DNMT1: variants seen among roughly 807,000 people sequenced by gnomAD.
DNMT1 encodes the protein DNA (cytosine-5)-methyltransferase 1.
A neutral mutation model predicts 205.3 loss-of-function variants in DNMT1; 24 were observed. The observed-to-expected ratio is 0.12, with a 90% CI of 0.08 to 0.16. The LOEUF is 0.16. Ranked by LOEUF, DNMT1 falls within the 10% of genes least tolerant of loss-of-function variation. DNMT1 has a pLI of 1.00. For synonymous variants in DNMT1, 817 were observed against 839.8 expected (o/e 0.97, Z 0.47); for missense variants, 1,293 against 2,177.7 (o/e 0.59, Z 8.09).
Position 10,149,767 on chromosome 19 carries a change from G to C in DNMT1, c.2381+86C>G, listed in dbSNP as rs1459456204. The stretch of plus-strand genomic sequence containing the variant: ...TTTCAGTTTTCATCTAGGGCAAAAA[G>C]CTGCTGGTGCTATTTTGGCAAAACA... On this transcript the variant is annotated intron_variant, in intron 25 of 40. Transcript: ENST00000359526. 11 of 1,602,676 alleles carry C rather than the reference G, an allele frequency of 6.9e-6. No homozygotes were observed. In the Admixed American group the frequency reaches 1.8e-4, roughly 27 times the overall value.
chr19:10,185,164 G>A (rs1037787678), intron 1 of DNMT1, among the ~76,000 whole-genome samples: 2 of 152,162 alleles, frequency 1.3e-5, no homozygotes, highest in Non-Finnish European at 1.5e-5. Context: ...GGTGGCTCAC[G>A]CCTGTAATCC....
Position 10,183,123 on chromosome 19 carries a change from A to ACACG in DNMT1, c.81-1047_81-1046insCGTG, listed in dbSNP as rs1568257433. On this transcript the variant is annotated intron_variant, in intron 1 of 40. Transcript: ENST00000359526. ...TATATATACGTGTGTATATATATAT[A>ACACG]TATTTTTTTTTTTTGAGATAGGGTT... Among the ~76,000 whole-genome samples, 15 of 126,434 alleles carry ACACG rather than the reference A, an allele frequency of 1.2e-4. No homozygotes were observed. In the South Asian group the frequency reaches 1.4e-3, roughly 12 times the overall value. 82.9% of individuals were successfully genotyped at this position (126,434 alleles called of 152,430 possible).
At chr19:10,169,073 G>A (rs953866531) in intron 9 of DNMT1, among the ~76,000 whole-genome samples, 4 of 151,960 alleles carry the variant, frequency 2.6e-5, no homozygotes, top group Admixed American at 6.6e-5. Flanking sequence ...CAAGTGATCC[G>A]TCTGCCTTGG....
chr19:10,186,880 G>T (rs1171599985), intron 1 of DNMT1, among the ~76,000 whole-genome samples: 1 of 143,120 alleles, frequency 7.0e-6, no homozygotes, highest in African/African-American at 2.7e-5. Flanking sequence ...AACAACCACA[G>T]AGGAATAAGG....
intron 39 of DNMT1, among the ~76,000 whole-genome samples, chr19:10,134,745 C>T (rs1315583865): frequency 2.6e-5 from 4 of 151,796 alleles, no homozygotes; most frequent in Non-Finnish European, 5.9e-5. Context: ...GTAATCCCAG[C>T]ACCTCAGGAG....
rs776461147 is a variant in DNMT1 at position 10,142,075 on chromosome 19, C to A, written c.3262G>T (p.Val1088Phe). The change falls in exon 30 of 41, where the codon GTC becomes TTC. Residue 1088 changes from valine (V) to phenylalanine (F), a missense_variant. Physicochemically the swap from Val to Phe is conservative, Grantham distance 50. This residue lies in a region of DNMT1 where 167 missense variants were observed against 258.1 expected (regional missense o/e 0.65). Coordinates refer to ENST00000359526, the MANE Select transcript of DNMT1 (RefSeq NM_001130823.3). ...VEYGEDLPEC[V>F]QVYSMGGPNR... Reference sequence around the variant, plus strand: ...GGGCCGCCCATGGAGTACACCTGGACGCACTCGGGCAGGTCCTCCCCATAC... The same window carrying A: ...GGGCCGCCCATGGAGTACACCTGGAAGCACTCGGGCAGGTCCTCCCCATAC... The A allele has an allele frequency of 4.3e-6, 7 of 1,611,028 alleles. No individual in the cohort carries two copies. The highest frequency in any genetic ancestry group is 5.9e-6 in the Non-Finnish European group (7 of 1,177,650).
At chr19:10,188,456 T>C (rs1230698395) in intron 1 of DNMT1, among the ~76,000 whole-genome samples, 1 of 151,944 alleles carries the variant, frequency 6.6e-6, no homozygotes, top group African/African-American at 2.4e-5. Flanking sequence ...ACAAGAATCA[T>C]TTGAACCCAG....
At chr19:10,163,390 G>T (rs2038621261) in intron 11 of DNMT1, 30 bp from the exon 12 acceptor site, 1 of 1,611,334 alleles carries the variant, frequency 6.2e-7, no homozygotes, top group South Asian at 1.1e-5. Context: ...GAGGTAGAGA[G>T]ATAAAGAAGG....
chr19:10,134,631 A>G (rs1319053610), intron 39 of DNMT1, among the ~76,000 whole-genome samples: 1 of 152,094 alleles, frequency 6.6e-6, no homozygotes, highest in African/African-American at 2.4e-5. Flanking sequence ...AGGCAGGTGG[A>G]TTAGTTGAGG....
At chr19:10,189,339 T>A (rs2039256558) in intron 1 of DNMT1, among the ~76,000 whole-genome samples, 1 of 152,084 alleles carries the variant, frequency 6.6e-6, no homozygotes, top group Admixed American at 6.6e-5. Flanking sequence ...GCCAGGATGG[T>A]CTCGATCTCC....
chr19:10,180,012 A>G (rs1464864483), intron 5 of DNMT1, 175 bp downstream of exon 5: 1 of 260,760 alleles, frequency 3.8e-6, no homozygotes, highest in Non-Finnish European at 7.2e-6. Flanking sequence ...AAAAAGAAAG[A>G]AAGAAAGAGA....
rs557446503 is a variant in DNMT1 at position 10,183,334 on chromosome 19, C to T, written c.81-1257G>A. ...TTCTCCGTGTTGGTCAGGCTGGTTTCGAACTCCCGACCTCAGGCGATCCAC... is the reference window on the plus strand; with the variant it reads ...TTCTCCGTGTTGGTCAGGCTGGTTTTGAACTCCCGACCTCAGGCGATCCAC... On this transcript the variant is annotated intron_variant, in intron 1 of 40. Coordinates refer to ENST00000359526, the MANE Select transcript of DNMT1 (RefSeq NM_001130823.3). Among the ~76,000 whole-genome samples, 81 of 151,576 alleles carry T rather than the reference C, an allele frequency of 5.3e-4. No individual in the cohort carries two copies. The East Asian group carries it at 0.013, about 24-fold the overall frequency.
Position 10,137,111 on chromosome 19 carries a change from A to C in DNMT1, c.4463T>G (p.Leu1488Arg), listed in dbSNP as rs772660711. Residue 1488 changes from leucine to arginine, a missense_variant, in exon 37 of 41, where the codon CTC (leucine) becomes CGC (arginine). This residue lies in a region of DNMT1 where 148 missense variants were observed against 256.1 expected (regional missense o/e 0.58). Coordinates refer to ENST00000359526, the MANE Select transcript of DNMT1 (RefSeq NM_001130823.3). This position sits in a 1 kb window ranked among gnomAD's most constrained non-coding sequence, Gnocchi z 6.4. ...TTCCACGCAGGAGCAGACCCCACGG[A>C]GGGCCCCAGAGCTGCTGCGGCCGTT... Reference protein sequence around the residue: ...RKNGRSSSGALRGVCSCVEAG... With the variant: ...RKNGRSSSGARRGVCSCVEAG... 2 of 1,612,048 alleles carry C rather than the reference A, an allele frequency of 1.2e-6. No homozygotes were observed. Among genetic ancestry groups the C allele is most frequent in the South Asian group, 2.2e-5 (2 of 90,682 alleles).
Position 10,137,116 on chromosome 19 carries a change from C to A in DNMT1, c.4458G>T (p.Gly1486=), listed in dbSNP as rs1418418848. Residue 1486 remains glycine (G), a synonymous_variant, in exon 37 of 41, where the codon GGG becomes GGT. Transcript: ENST00000359526. The surrounding 1 kb of genome is among the most constrained non-coding windows in gnomAD (Gnocchi z 6.4). ...HDRKNGRSSS[G]ALRGVCSCVE... is the part of the protein sequence containing the mutation. ...CGCAGGAGCAGACCCCACGGAGGGC[C>A]CCAGAGCTGCTGCGGCCGTTCTTCC... 1.2e-6 allele frequency: 2 copies of A among 1,612,128 alleles called. No homozygotes were observed. The highest frequency in any genetic ancestry group is 1.7e-6 in the Non-Finnish European group (2 of 1,179,610).
intron 6 of DNMT1, 125 bp from the exon 7 acceptor site, chr19:10,175,743 G>A (rs774189156): frequency 6.4e-6 from 6 of 939,222 alleles, no homozygotes; most frequent in Middle Eastern, 2.3e-4. Flanking sequence ...TCTGAATGAC[G>A]GGTTTAGAAT....
Position 10,160,403 on chromosome 19 carries a change from T to C in DNMT1, c.1024A>G (p.Lys342Glu). The C allele has an allele frequency of 1.2e-6, 2 of 1,614,176 alleles. No individual in the cohort carries two copies. Among genetic ancestry groups the C allele is most frequent in the Non-Finnish European group, 1.7e-6 (2 of 1,180,016 alleles). Residue 342 changes from lysine to glutamate, a missense_variant, in exon 14 of 41, where the codon AAA (lysine) becomes GAA (glutamate). By Grantham distance (56) the Lys-to-Glu change is moderately conservative (BLOSUM62 1). This residue lies in a region of DNMT1 where 394 missense variants were observed against 451.6 expected (regional missense o/e 0.87). Coordinates refer to ENST00000359526, the MANE Select transcript of DNMT1 (RefSeq NM_001130823.3). ...TCTTACGGTTCTTTGGGGGTCGTTT[T>C]GCGTCTCTTCTCCTCCTACACAGGG... Reference protein sequence around the residue: ...DEDEKEEKRRKTTPKEPTEKK... With the variant: ...DEDEKEEKRRETTPKEPTEKK...
At position 10,148,872 on chromosome 19, in the gene DNMT1, C is replaced by T. The variant is rs1426999234; in HGVS notation, c.2720+12G>A. The T allele has an allele frequency of 1.2e-6, 2 of 1,613,994 alleles. No individual in the cohort carries two copies. On this transcript the variant is annotated intron_variant, in intron 27 of 40. Transcript: ENST00000359526. ...AGTGCCTGCTGACCCCGAGTCCAGC[C>T]CCAGTGCTCACTTGAACTTGTTGTC...
intron 13 of DNMT1, 95 bp downstream of exon 13, chr19:10,162,572 C>A: frequency 7.3e-7 from 1 of 1,377,960 alleles, no homozygotes. Context: ...GCCCAGTCTT[C>A]TTTTTCCTAA....
chr19:10,175,704 G>A lies in DNMT1; in HGVS notation c.570-86C>T, dbSNP rs1016784156. On this transcript the variant is annotated intron_variant, in intron 6 of 40. Transcript: ENST00000359526. ...GAAGTGGACCCTCATTCACCAGGATGTTGAAAGAGGCTTCAAGTTTAATGT... is the reference window on the plus strand; with the variant it reads ...GAAGTGGACCCTCATTCACCAGGATATTGAAAGAGGCTTCAAGTTTAATGT... 5 of 1,259,506 alleles carry A rather than the reference G, an allele frequency of 4.0e-6. No homozygotes were observed. The East Asian group carries it at 1.2e-4, about 29-fold the overall frequency. 78.0% of individuals were successfully genotyped at this position (1,259,506 alleles called of 1,614,324 possible).
Sources: allele counts gnomAD v4.1 joint callset (sites outside exome capture counted in the v4.1 genomes callset), GRCh38; gene constraint gnomAD v4.1.1; regional missense constraint gnomAD v4.1.1; non-coding constraint Gnocchi (gnomAD v3.1); transcripts MANE v1.5; gene names NCBI Gene and HGNC (gene_info 2026-07-23, HGNC 2026-07-21).